MAPT: variants seen among roughly 807,000 people sequenced by gnomAD.
The protein encoded by MAPT is microtubule associated protein tau, also known as microtubule-associated protein tau.
MAPT carries 34 observed loss-of-function variants against 67.9 expected under a neutral mutation model. The observed-to-expected ratio is 0.50, with a 90% CI of 0.38 to 0.67. MAPT has a LOEUF of 0.67. MAPT is among the 30% of genes least tolerant of loss of function. The pLI is 0.00. For missense variants in MAPT, 881 were observed against 1,115.2 expected (o/e 0.79, Z 2.99); for synonymous variants, 456 against 464.5 (o/e 0.98, Z 0.23).
intron 9 of MAPT, among the ~76,000 whole-genome samples, chr17:46,003,341 C>G (rs1598354273): frequency 6.6e-6 from 1 of 152,016 alleles, no homozygotes; most frequent in South Asian, 2.1e-4. Context: ...TGCAGTGGTG[C>G]AATCTCGGCT....
chr17:45,984,125 G>A (rs1011719791), intron 5 of MAPT, among the ~76,000 whole-genome samples, 195 bp downstream of exon 5: 2 of 152,090 alleles, frequency 1.3e-5, no homozygotes, highest in South Asian at 2.1e-4. Context: ...GGCCGCACGC[G>A]CCCCTCACGC....
chr17:45,988,916 A>G (rs2073827687), intron 6 of MAPT, among the ~76,000 whole-genome samples: 1 of 151,892 alleles, frequency 6.6e-6, no homozygotes, highest in Non-Finnish European at 1.5e-5. Flanking sequence ...CAAACAAAAG[A>G]GTTAACATTG....
intron 1 of MAPT, among the ~76,000 whole-genome samples, chr17:45,953,003 T>TATGATGATG (rs72430786): frequency 0.26 from 38,748 of 149,346 alleles, 5,533 homozygotes; most frequent in South Asian, 0.42. Context: ...TCATAACACC[T>TATGATGATG]ATGATGATGA....
At chr17:46,023,586 T>C (rs1465884064) in intron 12 of MAPT, among the ~76,000 whole-genome samples, 1 of 152,178 alleles carries the variant, frequency 6.6e-6, no homozygotes, top group Non-Finnish European at 1.5e-5. Context: ...ACGCCTGTAA[T>C]GGCAGCACTC....
At chr17:45,926,140 G>T (rs2066265888) in intron 1 of MAPT, among the ~76,000 whole-genome samples, 1 of 152,022 alleles carries the variant, frequency 6.6e-6, no homozygotes, top group African/African-American at 2.4e-5. Context: ...GAACCCAGGA[G>T]GTGGAGGTTG....
chr17:45,994,224 C>A (rs1308884420), intron 8 of MAPT, among the ~76,000 whole-genome samples: 1 of 152,186 alleles, frequency 6.6e-6, no homozygotes, highest in Non-Finnish European at 1.5e-5. Flanking sequence ...AGGCATGAGC[C>A]ACCATGCCTG....
At chr17:45,934,706 T>C (rs2067161596) in intron 1 of MAPT, among the ~76,000 whole-genome samples, 1 of 152,234 alleles carries the variant, frequency 6.6e-6, no homozygotes, top group Admixed American at 6.5e-5. Context: ...GAGATGGTGG[T>C]GCAGCGGATA....
intron 4 of MAPT, among the ~76,000 whole-genome samples, chr17:45,982,582 A>G (rs562707353): frequency 6.6e-6 from 1 of 152,154 alleles, no homozygotes; most frequent in African/African-American, 2.4e-5. Flanking sequence ...CCCACACCAG[A>G]AGGGCCCTCG....
intron 11 of MAPT, among the ~76,000 whole-genome samples, chr17:46,016,114 G>A (rs1198090925): frequency 3.3e-5 from 5 of 152,310 alleles, no homozygotes; most frequent in South Asian, 4.1e-4. Flanking sequence ...GCTCTGGGCC[G>A]GCTGTGGTGG....
intron 1 of MAPT, among the ~76,000 whole-genome samples, chr17:45,942,954 G>A (rs938374817): frequency 2.0e-5 from 3 of 152,216 alleles, no homozygotes; most frequent in South Asian, 4.1e-4. Flanking sequence ...CCTGCACTGC[G>A]CTGTGCTTAT....
chr17:45,992,897 A>G (rs1209420964), intron 8 of MAPT, among the ~76,000 whole-genome samples: 2 of 152,072 alleles, frequency 1.3e-5, no homozygotes, highest in Non-Finnish European at 1.5e-5. Context: ...TTCTCAAAAA[A>G]AAAAAAAAAA....
chr17:45,978,143 C>G, intron 3 of MAPT: 1 of 582,444 alleles, frequency 1.7e-6, no homozygotes, highest in South Asian at 2.0e-5. Context: ...CCTACTAGGT[C>G]ATAGCTACAC....
In MAPT at chr17:45,919,269, T is replaced by A. The variant is rs1259700393; in HGVS notation, c.-18+24583T>A. ...CCTCCACCGGGCCCCTGGTGCCTCC[T>A]CTAGAGACAGTCCTCCTGGGACCGA... On this transcript the variant is annotated intron_variant, in intron 1 of 12. Coordinates refer to ENST00000262410, the MANE Select transcript of MAPT (RefSeq NM_001377265.1). Among the ~76,000 whole-genome samples the A allele has an allele frequency of 7.2e-5, 11 of 152,072 alleles. No homozygotes were observed. In the East Asian group the frequency reaches 2.1e-3, roughly 29 times the overall value.
At chr17:45,930,182 T>C (rs2066713578) in intron 1 of MAPT, among the ~76,000 whole-genome samples, 1 of 152,104 alleles carries the variant, frequency 6.6e-6, no homozygotes, top group African/African-American at 2.4e-5. Context: ...GATTGATCAC[T>C]CGATGCCAGG....
At chr17:45,907,060 T>G (rs1412719237) in intron 1 of MAPT, among the ~76,000 whole-genome samples, 1 of 152,210 alleles carries the variant, frequency 6.6e-6, no homozygotes, top group African/African-American at 2.4e-5. Flanking sequence ...TCACCTGCCC[T>G]GGCCCTCTCC....
chr17:46,003,302 A>G (rs996098002), intron 9 of MAPT, among the ~76,000 whole-genome samples: 4 of 152,014 alleles, frequency 2.6e-5, no homozygotes, highest in African/African-American at 4.8e-5. Context: ...ATTTTGAGAC[A>G]GAGTCTCACT....
In MAPT at chr17:45,971,571, TC is replaced by T. The variant is rs879884863; in HGVS notation, c.134-287del. Among the ~76,000 whole-genome samples the T allele has an allele frequency of 0.14, 21,984 of 152,192 alleles. 2,133 individuals are homozygous for T. The highest frequency in any genetic ancestry group is 0.22 in the Non-Finnish European group (14,737 of 67,974). ...GACCAATGGAAGATAAACCTTTGCC[TC>T]AGGTGGCACCACTAGCTGGTTAAGA... On this transcript the variant is annotated intron_variant, in intron 2 of 12. Coordinates refer to ENST00000262410, the MANE Select transcript of MAPT (RefSeq NM_001377265.1). This position sits in a 1 kb window ranked among gnomAD's most constrained non-coding sequence, Gnocchi z 4.3.
intron 9 of MAPT, among the ~76,000 whole-genome samples, chr17:46,008,992 G>A (rs979528349): frequency 6.6e-6 from 1 of 152,236 alleles, no homozygotes; most frequent in Non-Finnish European, 1.5e-5. Flanking sequence ...GAGCCCAGGA[G>A]TTTCAAACTA....
At chr17:45,943,565 T>A (rs1037368762) in intron 1 of MAPT, among the ~76,000 whole-genome samples, 1 of 152,114 alleles carries the variant, frequency 6.6e-6, no homozygotes, top group Non-Finnish European at 1.5e-5. Context: ...TTCTTCCTAA[T>A]CCTCCTCTCC....
Sources: allele counts gnomAD v4.1 joint callset (sites outside exome capture counted in the v4.1 genomes callset), GRCh38; gene constraint gnomAD v4.1.1; non-coding constraint Gnocchi (gnomAD v3.1); transcripts MANE v1.5; gene names NCBI Gene and HGNC (gene_info 2026-07-23, HGNC 2026-07-21).